Variants in EHF observed in about 807,000 individuals in gnomAD.
The protein encoded by EHF is ETS homologous factor.
Under a neutral mutation model 45.1 loss-of-function variants are expected in EHF, and 14 were observed. The observed-to-expected ratio is 0.31, with a 90% CI of 0.21 to 0.49. EHF has a LOEUF of 0.49. Among genes scored for constraint, EHF ranks in the 20% least tolerant of loss-of-function variants. The pLI is 0.99. For synonymous variants in EHF, 136 were observed against 131.8 expected (o/e 1.03, Z -0.22); for missense variants, 282 against 371.4 (o/e 0.76, Z 1.98).
At chr11:34,653,745 C>T (rs765738940) in intron 6 of EHF, among the ~76,000 whole-genome samples, 18 of 152,180 alleles carry the variant, frequency 1.2e-4, no homozygotes, top group African/African-American at 3.9e-4. Flanking sequence ...AGCAGAACCC[C>T]GGAAAAACCT....
rs1304953390 is a variant in EHF, at chr11:34,644,452, AC to A, written c.97+1729del. ...ATTAGATTGTTCCATTCCTCCCCCA[AC>A]CCCTGACTATTGGCTTCCTCTTTAG... On this transcript the variant is annotated intron_variant, in intron 2 of 8. Transcript: ENST00000257831. Among the ~76,000 whole-genome samples the A allele has an allele frequency of 2.0e-5, 3 of 151,798 alleles. No individual in the cohort carries two copies. The East Asian group carries it at 5.8e-4, about 29-fold the overall frequency.
chr11:34,642,814 T>C (rs1297070781), intron 2 of EHF, 87 bp downstream of exon 2: 13 of 993,944 alleles, frequency 1.3e-5, no homozygotes, highest in Admixed American at 7.9e-5. Context: ...GTTTGAAAAA[T>C]ATAGGCTTTA....
intron 1 of EHF, among the ~76,000 whole-genome samples, chr11:34,640,562 C>A (rs995188344): frequency 6.6e-6 from 1 of 152,184 alleles, no homozygotes; most frequent in Non-Finnish European, 1.5e-5. Context: ...CTTCCACCAG[C>A]CACCCGGTCT....
chr11:34,637,522 A>G (rs1421087683), intron 1 of EHF, among the ~76,000 whole-genome samples: 1 of 152,190 alleles, frequency 6.6e-6, no homozygotes, highest in African/African-American at 2.4e-5. Context: ...TTCTTGCTGC[A>G]AAAAGAATTT....
At chr11:34,625,327 G>T (rs1172571205) in intron 1 of EHF, among the ~76,000 whole-genome samples, 1 of 152,188 alleles carries the variant, frequency 6.6e-6, no homozygotes, top group Admixed American at 6.5e-5. Flanking sequence ...ACTGTTTTGT[G>T]ATGGCAGGGA....
At position 34,659,046 on chromosome 11, in the gene EHF, G is replaced by A. The variant is rs116764709; in HGVS notation, c.*115G>A. 2.0e-3 allele frequency: 1,564 copies of A among 793,144 alleles called. 28 individuals are homozygous for A. In the African/African-American group the frequency reaches 0.025, roughly 13 times the overall value. 49.1% of individuals were successfully genotyped at this position (793,144 alleles called of 1,614,324 possible). The stretch of plus-strand genomic sequence containing the variant: ...TTCTCTGATATTTATGTACCATGAG[G>A]GGAACAAGAAACTACTTCTAACGGG... On this transcript the variant is annotated 3_prime_UTR_variant, in exon 9 of 9. Transcript: ENST00000257831.
intron 8 of EHF, 33 bp downstream of exon 8, chr11:34,658,761 G>A: frequency 6.2e-7 from 1 of 1,608,746 alleles, no homozygotes; most frequent in Non-Finnish European, 8.5e-7. Flanking sequence ...AAACAAAAAG[G>A]CTGTACGACC....
At position 34,662,197 on chromosome 11, in the gene EHF, T is replaced by G. The variant is rs1856126027; in HGVS notation, c.*3266T>G. Among the ~76,000 whole-genome samples, 1 of 152,172 alleles carries G rather than the reference T, an allele frequency of 6.6e-6. No individual in the cohort carries two copies. Among genetic ancestry groups the G allele is most frequent in the Non-Finnish European group, 1.5e-5 (1 of 68,022 alleles). Reference sequence around the variant, plus strand: ...TTTGTTCAATGAATGAATGAATGTCTTCTAAAAGACTCCTCTGATTGGGAG... The same window carrying G: ...TTTGTTCAATGAATGAATGAATGTCGTCTAAAAGACTCCTCTGATTGGGAG... On this transcript the variant is annotated 3_prime_UTR_variant, in exon 9 of 9. Coordinates refer to ENST00000257831, the MANE Select transcript of EHF (RefSeq NM_012153.6).
chr11:34,646,308 C>A, intron 2 of EHF, 131 bp from the exon 3 acceptor site: 2 of 1,417,046 alleles, frequency 1.4e-6, no homozygotes, highest in Non-Finnish European at 1.9e-6. Context: ...TGCTCCATCA[C>A]CCATGCTGGC....
chr11:34,623,772 C>G (rs1268446276), intron 1 of EHF, among the ~76,000 whole-genome samples: 1 of 152,164 alleles, frequency 6.6e-6, no homozygotes, highest in Non-Finnish European at 1.5e-5. Flanking sequence ...TTTCCCATGC[C>G]CCCGACCCAC....
rs1853289035 is a variant in EHF at position 34,635,435 on chromosome 11, A to G, written c.-3-7193A>G. Among the ~76,000 whole-genome samples, 3 of 144,890 alleles carry G rather than the reference A, an allele frequency of 2.1e-5. No homozygotes were observed. In the Admixed American group the frequency reaches 2.1e-4, roughly 10 times the overall value. On this transcript the variant is annotated intron_variant, in intron 1 of 8. Coordinates refer to ENST00000257831, the MANE Select transcript of EHF (RefSeq NM_012153.6). ...TCTGTCCCTATTAGCCCTAGCCCCAATCCGAAACCTTATTCTTTTTTTTTT... is the reference window on the plus strand; with the variant it reads ...TCTGTCCCTATTAGCCCTAGCCCCAGTCCGAAACCTTATTCTTTTTTTTTT...
In EHF at chr11:34,663,014, C is replaced by T. The variant is rs1002449409; in HGVS notation, c.*4083C>T. On this transcript the variant is annotated 3_prime_UTR_variant, in exon 9 of 9. Coordinates refer to ENST00000257831, the MANE Select transcript of EHF (RefSeq NM_012153.6). ...TTATGAACCTCTGAAACGTACAAGC[C>T]TTCACAAGTTTAACTAAATTGGGAT... Among the ~76,000 whole-genome samples, 1 of 152,014 alleles carries T rather than the reference C, an allele frequency of 6.6e-6. No homozygotes were observed. Among genetic ancestry groups the T allele is most frequent in the East Asian group, 1.9e-4 (1 of 5,180 alleles).
At chr11:34,635,768 C>G (rs1009718025) in intron 1 of EHF, among the ~76,000 whole-genome samples, 11 of 141,102 alleles carry the variant, frequency 7.8e-5, no homozygotes, top group Non-Finnish European at 1.5e-4. Flanking sequence ...CCTTTGACAA[C>G]ACAGAGCTTA....
At chr11:34,655,593 C>T (rs1487280238) in intron 6 of EHF, among the ~76,000 whole-genome samples, 1 of 152,226 alleles carries the variant, frequency 6.6e-6, no homozygotes, top group Admixed American at 6.5e-5. Flanking sequence ...CATTTGACCC[C>T]TCTGTTTCTC....
chr11:34,650,727 C>T (rs530245108), intron 4 of EHF, among the ~76,000 whole-genome samples: 5 of 152,082 alleles, frequency 3.3e-5, no homozygotes, highest in African/African-American at 7.2e-5. Context: ...CTGGGGGTTG[C>T]GTAGGAGTTG....
intron 1 of EHF, among the ~76,000 whole-genome samples, chr11:34,624,549 G>T (rs1207375216): frequency 1.3e-5 from 2 of 152,072 alleles, no homozygotes; most frequent in Non-Finnish European, 2.9e-5. Flanking sequence ...TACTTAAATT[G>T]AACGGGGTTT....
Position 34,661,776 on chromosome 11 carries a change from C to T in EHF, c.*2845C>T, listed in dbSNP as rs1016798304. On this transcript the variant is annotated 3_prime_UTR_variant, in exon 9 of 9. Coordinates refer to ENST00000257831, the MANE Select transcript of EHF (RefSeq NM_012153.6). ...ACACATGGCTCTCACTTGAGAAGCT[C>T]ACCTGTGCTGAATGTCCACATGGTC... Among the ~76,000 whole-genome samples, 10 of 152,062 alleles carry T rather than the reference C, an allele frequency of 6.6e-5. No homozygotes were observed. Among genetic ancestry groups the T allele is most frequent in the African/African-American group, 2.4e-4 (10 of 41,562 alleles).
chr11:34,626,152 A>T (rs1852356940), intron 1 of EHF, among the ~76,000 whole-genome samples: 1 of 152,114 alleles, frequency 6.6e-6, no homozygotes, highest in African/African-American at 2.4e-5. Context: ...ATCAAATTTC[A>T]TAGCTGCTTT....
intron 1 of EHF, among the ~76,000 whole-genome samples, chr11:34,627,112 TTGTGTGTGTGTGTGTGTGTG>T (rs6144298): frequency 1.3e-5 from 2 of 148,582 alleles, no homozygotes; most frequent in Admixed American, 1.3e-4. Context: ...GGATTTTGGT[TTGTGTGTGTGTGTGTGTGTG>T]TGTGTGTGTG....
Sources: allele counts gnomAD v4.1 joint callset (sites outside exome capture counted in the v4.1 genomes callset), GRCh38; gene constraint gnomAD v4.1.1; transcripts MANE v1.5; gene names NCBI Gene and HGNC (gene_info 2026-07-23, HGNC 2026-07-21).